Variants in FNDC1 observed in about 807,000 individuals in gnomAD.
FNDC1 encodes fibronectin type III domain-containing protein 1.
FNDC1 carries 96 observed loss-of-function variants against 168.0 expected under a neutral mutation model. That is an observed-to-expected ratio of 0.57 (90% CI 0.48 to 0.68). The LOEUF is 0.68. Among genes scored for constraint, FNDC1 ranks in the 30% least tolerant of loss-of-function variants. The probability of loss-of-function intolerance (pLI) is 0.00; values close to 1 mark genes in which losing one functional copy is unlikely to be tolerated. For synonymous variants in FNDC1, 1,099 were observed against 1,025.9 expected (o/e 1.07, Z -1.36); for missense variants, 2,587 against 2,482.1 (o/e 1.04, Z -0.90).
Position 159,261,234 on chromosome 6 carries a change from C to T in FNDC1, c.5219C>T (p.Pro1740Leu). The T allele has an allele frequency of 6.2e-7, 1 of 1,613,234 alleles. No homozygotes were observed. The highest frequency in any genetic ancestry group is 8.5e-7 in the Non-Finnish European group (1 of 1,179,550). ...GCACAAAATCCTCATGGCTACGGAC[C>T]TATCAGCCCTTCGGTCTCATTTGTC... ...VQAQNPHGYG[P>L]ISPSVSFVTE... is the part of the protein sequence containing the mutation. The change falls in exon 19 of 23, where the codon CCT (proline) becomes CTT (leucine). Residue 1740 changes from proline to leucine, a missense_variant. Physicochemically the swap from Pro to Leu is moderately conservative, Grantham distance 98. Transcript: ENST00000297267.
intron 1 of FNDC1, among the ~76,000 whole-genome samples, chr6:159,183,595 A>G (rs1347695278): frequency 6.6e-6 from 1 of 152,200 alleles, no homozygotes; most frequent in Admixed American, 6.5e-5. Flanking sequence ...AGTAGAGAAG[A>G]GGGAAAGCCA....
At chr6:159,214,025 T>A (rs1364823970) in intron 4 of FNDC1, among the ~76,000 whole-genome samples, 1 of 152,228 alleles carries the variant, frequency 6.6e-6, no homozygotes, top group Non-Finnish European at 1.5e-5. Context: ...ATAAAATTAG[T>A]CAGAATTGGT....
At chr6:159,191,301 G>A (rs1782133998) in intron 1 of FNDC1, among the ~76,000 whole-genome samples, 1 of 152,140 alleles carries the variant, frequency 6.6e-6, no homozygotes, top group Non-Finnish European at 1.5e-5. Context: ...TCAATGAATT[G>A]TCTAAGTACA....
Position 159,246,053 on chromosome 6 carries a change from G to A in FNDC1, c.4622-848G>A, listed in dbSNP as rs547531164. Among the ~76,000 whole-genome samples, 20 of 151,766 alleles carry A rather than the reference G, an allele frequency of 1.3e-4. 7 individuals are homozygous for A. Among genetic ancestry groups the A allele is most frequent in the African/African-American group, 4.3e-4 (18 of 41,392 alleles). ...ACAGGCGTGAGCCACCGTGCCCGGC[G>A]TCATTATGGTAATTTTAATAGTTCT... On this transcript the variant is annotated intron_variant, in intron 14 of 22. Transcript: ENST00000297267.
At chr6:159,205,894 T>A (rs1274741328) in intron 4 of FNDC1, among the ~76,000 whole-genome samples, 1 of 152,226 alleles carries the variant, frequency 6.6e-6, no homozygotes, top group Admixed American at 6.5e-5. Context: ...AAATTGTAAT[T>A]TCTGCATTTT....
At chr6:159,229,753 G>A in intron 9 of FNDC1, 62 bp from the exon 10 acceptor site, 1 of 1,463,562 alleles carries the variant, frequency 6.8e-7, no homozygotes. Context: ...CATACAGTCT[G>A]TCTGCTGGAC....
At chr6:159,215,257 C>T in intron 5 of FNDC1, 106 bp downstream of exon 5, 1 of 965,944 alleles carries the variant, frequency 1.0e-6, no homozygotes, top group Non-Finnish European at 1.6e-6. Flanking sequence ...TTGTAATGTC[C>T]ACTTGCCAGA....
intron 9 of FNDC1, 64 bp from the exon 10 acceptor site, chr6:159,229,751 C>T: frequency 1.4e-6 from 2 of 1,450,496 alleles, no homozygotes; most frequent in East Asian, 2.3e-5. Flanking sequence ...CCCATACAGT[C>T]TGTCTGCTGG....
intron 14 of FNDC1, among the ~76,000 whole-genome samples, chr6:159,243,014 C>T (rs1783460777): frequency 6.6e-6 from 1 of 152,082 alleles, no homozygotes; most frequent in Non-Finnish European, 1.5e-5. Context: ...TTTTGTTCTA[C>T]TTGATCTGAC....
At chr6:159,173,283 G>A (rs902106304) in intron 1 of FNDC1, among the ~76,000 whole-genome samples, 3 of 147,542 alleles carry the variant, frequency 2.0e-5, no homozygotes, top group East Asian at 2.0e-4. Flanking sequence ...TAGTCTCCGC[G>A]CTTCAGAATA....
intron 1 of FNDC1, among the ~76,000 whole-genome samples, chr6:159,179,209 A>G (rs1034106385): frequency 6.6e-6 from 1 of 152,230 alleles, no homozygotes; most frequent in Non-Finnish European, 1.5e-5. Flanking sequence ...CTATAATCCC[A>G]GCACTTTGGG....
At chr6:159,209,255 C>T (rs1305164250) in intron 4 of FNDC1, among the ~76,000 whole-genome samples, 2 of 152,214 alleles carry the variant, frequency 1.3e-5, no homozygotes, top group Non-Finnish European at 2.9e-5. Flanking sequence ...ACGCTCCAGG[C>T]TTCTGGGCTG....
chr6:159,248,935 G>T lies in FNDC1; in HGVS notation c.4691-104G>T, dbSNP rs1046394606. ...TGTGTGTGTGTGTGTCTGTCTGTCTGTCTGGGTTTCAGCCTACAGTTGAAT... is the reference window on the plus strand; with the variant it reads ...TGTGTGTGTGTGTGTCTGTCTGTCTTTCTGGGTTTCAGCCTACAGTTGAAT... On this transcript the variant is annotated intron_variant, in intron 15 of 22. Transcript: ENST00000297267. 9.3e-6 allele frequency: 10 copies of T among 1,074,030 alleles called. No homozygotes were observed. In the African/African-American group the frequency reaches 1.1e-4, roughly 12 times the overall value. 66.5% of individuals were successfully genotyped at this position (1,074,030 alleles called of 1,614,324 possible).
chr6:159,200,248 C>T (rs1422112577), intron 3 of FNDC1, among the ~76,000 whole-genome samples, 166 bp downstream of exon 3: 1 of 152,200 alleles, frequency 6.6e-6, no homozygotes, highest in Non-Finnish European at 1.5e-5. Context: ...GTGGAAGAGG[C>T]TTATCCTTTC....
At chr6:159,227,896 C>G (rs773155116) in intron 9 of FNDC1, among the ~76,000 whole-genome samples, 5 of 152,188 alleles carry the variant, frequency 3.3e-5, no homozygotes, top group Non-Finnish European at 5.9e-5. Context: ...TCAAAGCTGT[C>G]CTGGGCTGCT....
At chr6:159,227,021 G>A (rs1182567957) in intron 9 of FNDC1, among the ~76,000 whole-genome samples, 1 of 152,114 alleles carries the variant, frequency 6.6e-6, no homozygotes, top group Non-Finnish European at 1.5e-5. Context: ...GCTGGAAAAT[G>A]GATTGATTCC....
chr6:159,243,855 T>C (rs1483810747), intron 14 of FNDC1, among the ~76,000 whole-genome samples: 3 of 152,176 alleles, frequency 2.0e-5, no homozygotes, highest in African/African-American at 4.8e-5. Flanking sequence ...AACACCAAAA[T>C]CACCCAGTAG....
intron 1 of FNDC1, among the ~76,000 whole-genome samples, chr6:159,190,384 T>A (rs1782109853): frequency 6.6e-6 from 1 of 152,196 alleles, no homozygotes; most frequent in Non-Finnish European, 1.5e-5. Context: ...GTGGCATGAA[T>A]GGATTAGAAG....
chr6:159,228,909 CA>C (rs1000939145), intron 9 of FNDC1, among the ~76,000 whole-genome samples: 4 of 152,170 alleles, frequency 2.6e-5, no homozygotes, highest in Non-Finnish European at 4.4e-5. Flanking sequence ...CTTCTGACCT[CA>C]AGTCATCTGC....
Sources: gnomAD v4.1 joint callset for allele counts (sites outside exome capture counted in the v4.1 genomes callset) on GRCh38, gnomAD v4.1.1 for gene constraint, MANE v1.5 for transcripts, NCBI Gene and HGNC (gene_info 2026-07-23, HGNC 2026-07-21) for gene names.